The following TMC4 variants were observed in gnomAD, a reference collection of about 807,000 sequenced individuals.
TMC4 encodes transmembrane channel like 4, also known as voltage-gated chloride channel TMC4.
TMC4 carries 70 observed loss-of-function variants against 82.0 expected under a neutral mutation model. The ratio of observed to expected loss-of-function variants is 0.85; its 90% CI spans 0.70 to 1.04. The LOEUF (loss-of-function observed/expected upper bound fraction) is 1.04. Among genes scored for constraint, TMC4 ranks in the 50% least tolerant of loss-of-function variants. The pLI is 0.00. For missense variants in TMC4, 879 were observed against 899.0 expected, an observed-to-expected ratio of 0.98 and a Z score of 0.28; for synonymous variants, 446 against 406.0, an observed-to-expected ratio of 1.10 and a Z score of -1.18.
chr19:54,170,908 TTTGA>T lies in TMC4; in HGVS notation c.293+958_293+961del, dbSNP rs1482621864. Among the ~76,000 whole-genome samples the T allele has an allele frequency of 1.4e-4, 21 of 152,206 alleles. No homozygotes were observed. The South Asian group carries it at 1.9e-3, about 14-fold the overall frequency. The stretch of plus-strand genomic sequence containing the variant: ...GTATTATTTTTTGTCATATTGTTAC[TTTGA>T]TTATTACTTTTAAAAAATAGAGATG... On this transcript the variant is annotated intron_variant, in intron 2 of 14. Coordinates refer to ENST00000619895, the MANE Select transcript of TMC4 (RefSeq NM_144686.4).
intron 10 of TMC4, among the ~76,000 whole-genome samples, 183 bp from the exon 11 acceptor site, chr19:54,162,468 G>C (rs1016841936): frequency 1.3e-5 from 2 of 151,162 alleles, no homozygotes; most frequent in East Asian, 2.0e-4. Context: ...GACTAGAAGG[G>C]ACCCAGATGT....
intron 8 of TMC4, 97 bp downstream of exon 8, chr19:54,163,627 G>C (rs762726593): frequency 4.3e-6 from 6 of 1,410,044 alleles, no homozygotes; most frequent in Non-Finnish European, 6.0e-6. Flanking sequence ...CCTGGATTCG[G>C]TATCAGCAGG....
rs1241298724 is a variant in TMC4, at chr19:54,168,882, C to CTT, written c.443-204_443-203dup. ...CTTTTCTTTTCTTTTCTTTTCTTTT[C>CTT]TTTTCTTTCTTTCCTTTCTTTCTTC... On this transcript the variant is annotated intron_variant, in intron 3 of 14. Transcript: ENST00000619895. 9.9e-5 allele frequency among the ~76,000 whole-genome samples: 2 copies of CTT among 20,252 alleles called. 1 individual carries two copies. The highest frequency in any genetic ancestry group is 1.7e-4 in the Non-Finnish European group (2 of 11,774). The allele number at this position is 20,252 out of a possible 152,430, so 13.3% of individuals were successfully genotyped here. A position where few individuals can be genotyped will look rare whatever the true frequency, so the allele number is the denominator to read the frequency against.
intron 5 of TMC4, among the ~76,000 whole-genome samples, chr19:54,165,844 G>T (rs1246163208): frequency 6.6e-6 from 1 of 152,166 alleles, no homozygotes; most frequent in Non-Finnish European, 1.5e-5. Context: ...AGCGAAGGGG[G>T]CAGAAACCCA....
intron 5 of TMC4, among the ~76,000 whole-genome samples, chr19:54,166,237 G>C (rs1410709806): frequency 6.6e-6 from 1 of 151,154 alleles, no homozygotes; most frequent in Admixed American, 6.6e-5. Context: ...AAATTAGCCA[G>C]GCGTGGTGGT....
intron 3 of TMC4, 67 bp downstream of exon 3, chr19:54,169,445 G>A: frequency 1.3e-6 from 2 of 1,506,284 alleles, no homozygotes; most frequent in Admixed American, 2.1e-5. Context: ...TCCGTCCCCA[G>A]CCCCTCCTCC....
At chr19:54,169,450 T>A in intron 3 of TMC4, 62 bp downstream of exon 3, 116 of 1,253,742 alleles carry the variant, frequency 9.3e-5, no homozygotes, top group Middle Eastern at 2.7e-4. Context: ...CCCCAGCCCC[T>A]CCTCCCTCAG....
At chr19:54,163,971 CTTCTTCTT>C in intron 7 of TMC4, 84 bp from the exon 8 acceptor site, 2 of 1,166,198 alleles carry the variant, frequency 1.7e-6, no homozygotes, top group South Asian at 1.5e-5. Context: ...TCTTCTTCTT[CTTCTTCTT>C]TTTTTTTTTT....
At chr19:54,167,870 G>GACCAACT (rs1416744645) in intron 5 of TMC4, among the ~76,000 whole-genome samples, 1 of 151,890 alleles carries the variant, frequency 6.6e-6, no homozygotes, top group African/African-American at 2.4e-5. Flanking sequence ...AGACCAGCCT[G>GACCAACT]ACCAACATGG....
rs781554171 is a variant in TMC4 at position 54,162,247 on chromosome 19, AG to A, written c.1540del (p.Leu514TrpfsTer47). ...CACCTGGAACTCTTGGGTCCCCGCC[AG>A]ACGACCCAGCGCCCCAGGACAGAGG... Reference protein sequence around the residue: ...CGLCPGALGRLAGTQEFQVPD... With the variant: ...CGLCPGALGRXAGTQEFQVPD... On this transcript the variant is annotated frameshift_variant, in exon 11 of 15. Coordinates refer to ENST00000619895, the MANE Select transcript of TMC4 (RefSeq NM_144686.4). LOFTEE classifies it high-confidence loss of function. 7 of 1,607,040 alleles carry A rather than the reference AG, an allele frequency of 4.4e-6. No individual in the cohort carries two copies. The highest frequency in any genetic ancestry group is 5.1e-6 in the Non-Finnish European group (6 of 1,177,348).
intron 5 of TMC4, 144 bp downstream of exon 5, chr19:54,168,027 C>T: frequency 1.9e-6 from 2 of 1,028,936 alleles, no homozygotes; most frequent in Non-Finnish European, 1.4e-6. Context: ...TGCGCCACTA[C>T]ACTCTAGCCT....
chr19:54,161,295 AAC>A lies in TMC4; in HGVS notation c.1687-37_1687-36del, dbSNP rs377109047. 6.1e-6 allele frequency: 9 copies of A among 1,468,956 alleles called. No homozygotes were observed. In the African/African-American group the frequency reaches 1.1e-4, roughly 19 times the overall value. 91.0% of individuals were successfully genotyped at this position (1,468,956 alleles called of 1,614,324 possible). A position where few individuals can be genotyped will look rare whatever the true frequency, so the allele number is the denominator to read the frequency against. On this transcript the variant is annotated intron_variant, in intron 11 of 14. Transcript: ENST00000619895. ...GAAGGCACGGAGAAAAGGGCTCTGAAACACAAGAGTCTGTGCCTCCATTTTTT... is the reference window on the plus strand; with the variant it reads ...GAAGGCACGGAGAAAAGGGCTCTGAAACAAGAGTCTGTGCCTCCATTTTTT...
chr19:54,163,538 C>T, intron 8 of TMC4, 186 bp downstream of exon 8: 2 of 714,914 alleles, frequency 2.8e-6, no homozygotes, highest in Admixed American at 4.6e-5. Context: ...GAACTCCTGA[C>T]CTCAGCCTCG....
Position 54,160,451 on chromosome 19 carries a change from G to T in TMC4, c.2052+16C>A. 1 of 1,612,634 alleles carries T rather than the reference G, an allele frequency of 6.2e-7. No individual in the cohort carries two copies. Among genetic ancestry groups the T allele is most frequent in the Non-Finnish European group, 8.5e-7 (1 of 1,178,928 alleles). On this transcript the variant is annotated intron_variant, in intron 14 of 14. Transcript: ENST00000619895. ...CATGTTCCCCAGGGGCCCTCTCAGGGACCCGCCTGGCTCACCGTCTCTCTC... is the reference window on the plus strand; with the variant it reads ...CATGTTCCCCAGGGGCCCTCTCAGGTACCCGCCTGGCTCACCGTCTCTCTC...
chr19:54,163,164 AG>A lies in TMC4; in HGVS notation c.1278-6del. 1 of 1,613,636 alleles carries A rather than the reference AG, an allele frequency of 6.2e-7. No homozygotes were observed. Among genetic ancestry groups the A allele is most frequent in the Non-Finnish European group, 8.5e-7 (1 of 1,179,964 alleles). On this transcript the variant is annotated splice_polypyrimidine_tract_variant and splice_region_variant and intron_variant, in intron 8 of 14. Transcript: ENST00000619895. ...GCGAGGCGAAGAAACACGGTCCTGAAGGGGGGAAGGCAGAGAATGGGCCCTG... is the reference window on the plus strand; with the variant it reads ...GCGAGGCGAAGAAACACGGTCCTGAAGGGGGAAGGCAGAGAATGGGCCCTG...
chr19:54,169,239 T>TG (rs748428299), intron 3 of TMC4, among the ~76,000 whole-genome samples: 3 of 151,302 alleles, frequency 2.0e-5, no homozygotes, highest in East Asian at 3.9e-4. Context: ...TTCACCATGT[T>TG]GGTCAGGCTG....
intron 8 of TMC4, 161 bp from the exon 9 acceptor site, chr19:54,163,320 T>G (rs1481265656): frequency 1.9e-6 from 2 of 1,031,318 alleles, no homozygotes; most frequent in Non-Finnish European, 2.7e-6. Context: ...TTTTTTTTTT[T>G]TTTTTTTTGA....
Position 54,160,997 on chromosome 19 carries a change from C to T in TMC4, c.1854G>A (p.Gly618=), listed in dbSNP as rs2075532883. 2 of 1,614,148 alleles carry T rather than the reference C, an allele frequency of 1.2e-6. No homozygotes were observed. The highest frequency in any genetic ancestry group is 8.5e-7 in the Non-Finnish European group (1 of 1,180,022). The part of the protein sequence containing the change: ...PPSKLCGPFR[G]QSSIWAQIPE... The stretch of plus-strand genomic sequence containing the variant: ...GGATCTGGGCCCAGATGGACGACTG[C>T]CCCCGGAATGGACCACACAGCTTAG... Residue 618 remains glycine (G), a synonymous_variant, in exon 13 of 15, where the codon GGG becomes GGA. Coordinates refer to ENST00000619895, the MANE Select transcript of TMC4 (RefSeq NM_144686.4).
chr19:54,172,757 G>T, intron 1 of TMC4: 1 of 397,484 alleles, frequency 2.5e-6, no homozygotes, highest in Non-Finnish European at 4.5e-6. Context: ...TTTCCCTCTA[G>T]CTCAGGAGTG....
Sources: allele counts gnomAD v4.1 joint callset (sites outside exome capture counted in the v4.1 genomes callset), GRCh38; gene constraint gnomAD v4.1.1; transcripts MANE v1.5; gene names NCBI Gene and HGNC (gene_info 2026-07-23, HGNC 2026-07-21).